The following CDYL2 variants were observed in gnomAD, a reference collection of about 807,000 sequenced individuals.
CDYL2 encodes chromodomain Y like 2.
CDYL2 carries 23 observed loss-of-function variants against 49.4 expected under a neutral mutation model. The ratio of observed to expected loss-of-function variants is 0.47; its 90% CI spans 0.34 to 0.66. CDYL2 has a LOEUF of 0.66. Ranked by LOEUF, CDYL2 falls within the 30% of genes least tolerant of loss-of-function variation. The probability of loss-of-function intolerance (pLI) is 0.01; values close to 1 mark genes in which losing one functional copy is unlikely to be tolerated. For missense variants in CDYL2, 678 were observed against 656.4 expected (o/e 1.03, Z -0.36); for synonymous variants, 360 against 268.8 (o/e 1.34, Z -3.32).
At chr16:80,762,436 C>A (rs2142384618) in intron 1 of CDYL2, among the ~76,000 whole-genome samples, 1 of 152,258 alleles carries the variant, frequency 6.6e-6, no homozygotes, top group East Asian at 1.9e-4. Context: ...CAGCACAGCT[C>A]CAAAAAGCCT....
At chr16:80,759,116 A>ATATATATATATATATATATGGTT (rs2142380641) in intron 1 of CDYL2, among the ~76,000 whole-genome samples, 1 of 119,942 alleles carries the variant, frequency 8.3e-6, no homozygotes, top group African/African-American at 3.6e-5. Flanking sequence ...ATATATATAT[A>ATATATATATATATATATATGGTT]TATATATATA....
At chr16:80,634,178 A>T (rs564777648) in intron 2 of CDYL2, among the ~76,000 whole-genome samples, 6 of 150,882 alleles carry the variant, frequency 4.0e-5, no homozygotes, top group African/African-American at 1.2e-4. Flanking sequence ...AAATCATGCT[A>T]CTATAAAGAC....
chr16:80,672,725 T>A (rs1355277930), intron 2 of CDYL2, among the ~76,000 whole-genome samples: 3 of 152,212 alleles, frequency 2.0e-5, no homozygotes, highest in African/African-American at 4.8e-5. Context: ...CATTTCTTTA[T>A]GTGCAAACCA....
chr16:80,788,939 A>G (rs1446581815), intron 1 of CDYL2, among the ~76,000 whole-genome samples: 1 of 152,178 alleles, frequency 6.6e-6, no homozygotes, highest in East Asian at 1.9e-4. Context: ...TTTGTTTTCA[A>G]CCATTAAAAA....
chr16:80,633,202 G>C lies in CDYL2; in HGVS notation c.651C>G (p.His217Gln). The C allele has an allele frequency of 6.2e-7, 1 of 1,614,196 alleles. No individual in the cohort carries two copies. Among genetic ancestry groups the C allele is most frequent in the Non-Finnish European group, 8.5e-7 (1 of 1,180,020 alleles). Reference protein sequence around the residue: ...SALTNGGLNLHSPVKRKLEAE... With the variant: ...SALTNGGLNLQSPVKRKLEAE... The stretch of plus-strand genomic sequence containing the variant: ...CTTCCAGCTTCCTCTTCACTGGACT[G>C]TGCAGGTTCAATCCCCCGTTGGTCA... Residue 217 changes from histidine (H) to glutamine (Q), a missense_variant, in exon 3 of 7, where the codon CAC (histidine) becomes CAG (glutamine). Coordinates refer to ENST00000570137, the MANE Select transcript of CDYL2 (RefSeq NM_152342.4).
chr16:80,800,949 G>A (rs1462293973), intron 1 of CDYL2, among the ~76,000 whole-genome samples: 1 of 152,180 alleles, frequency 6.6e-6, no homozygotes, highest in East Asian at 1.9e-4. Flanking sequence ...AGAAGAATGG[G>A]TGCCTGGTAA....
intron 4 of CDYL2, among the ~76,000 whole-genome samples, chr16:80,620,359 G>C (rs548888816): frequency 1.3e-5 from 2 of 152,268 alleles, no homozygotes; most frequent in South Asian, 4.1e-4. Flanking sequence ...GCAGTGCTGG[G>C]ACATACAAAC....
At chr16:80,641,753 G>C (rs1447520255) in intron 2 of CDYL2, among the ~76,000 whole-genome samples, 6 of 112,426 alleles carry the variant, frequency 5.3e-5, no homozygotes, top group Admixed American at 3.2e-4. Flanking sequence ...GTTGTGGGGT[G>C]GGGGGAGGGG....
At chr16:80,640,155 G>C (rs1052836504) in intron 2 of CDYL2, among the ~76,000 whole-genome samples, 4 of 152,138 alleles carry the variant, frequency 2.6e-5, no homozygotes, top group Non-Finnish European at 5.9e-5. Flanking sequence ...GGGAGTGCTG[G>C]TATCACCGCT....
chr16:80,767,646 A>G (rs746596286), intron 1 of CDYL2, among the ~76,000 whole-genome samples: 1 of 152,202 alleles, frequency 6.6e-6, no homozygotes, highest in Non-Finnish European at 1.5e-5. Flanking sequence ...TAGACAAGGC[A>G]TAGAAGGTGG....
intron 2 of CDYL2, among the ~76,000 whole-genome samples, chr16:80,661,017 G>A (rs1909021509): frequency 6.6e-6 from 1 of 152,158 alleles, no homozygotes; most frequent in Admixed American, 6.5e-5. Context: ...CACAGAGCCT[G>A]AGACAGACAA....
At chr16:80,646,443 T>C (rs1185775697) in intron 2 of CDYL2, among the ~76,000 whole-genome samples, 2 of 152,050 alleles carry the variant, frequency 1.3e-5, no homozygotes, top group African/African-American at 4.8e-5. Flanking sequence ...AATAATAACA[T>C]TGAATGTGAA....
At chr16:80,752,176 A>G (rs906938965) in intron 1 of CDYL2, among the ~76,000 whole-genome samples, 30 of 152,334 alleles carry the variant, frequency 2.0e-4, no homozygotes, top group African/African-American at 7.2e-4. Context: ...GTTTAACAGC[A>G]TATAAAACAC....
chr16:80,789,377 G>A lies in CDYL2; in HGVS notation c.24+14773C>T, dbSNP rs189110749. Among the ~76,000 whole-genome samples the A allele has an allele frequency of 9.9e-5, 15 of 152,254 alleles. No homozygotes were observed. In the East Asian group the frequency reaches 2.1e-3, roughly 22 times the overall value. ...CAGCACTTTGGAAGGCCGAGGGGGT[G>A]GATCACGAGGTCAGGAGTTCAAGAC... is the stretch of plus-strand genomic sequence containing the variant. On this transcript the variant is annotated intron_variant, in intron 1 of 6. Transcript: ENST00000570137.
At chr16:80,672,009 G>C (rs1909530929) in intron 2 of CDYL2, among the ~76,000 whole-genome samples, 1 of 152,138 alleles carries the variant, frequency 6.6e-6, no homozygotes, top group Non-Finnish European at 1.5e-5. Flanking sequence ...AAGTGTTTTG[G>C]ATTTCTGATT....
At chr16:80,737,501 A>C (rs1004858069) in intron 1 of CDYL2, among the ~76,000 whole-genome samples, 3 of 152,098 alleles carry the variant, frequency 2.0e-5, no homozygotes, top group Admixed American at 2.0e-4. Flanking sequence ...ACTGTATTAA[A>C]CTGTACCTTG....
intron 3 of CDYL2, 119 bp downstream of exon 3, chr16:80,632,900 A>G: frequency 1.1e-6 from 1 of 946,484 alleles, no homozygotes; most frequent in South Asian, 1.6e-5. Flanking sequence ...TCAAGTTTTT[A>G]TGCACGCTAG....
chr16:80,665,631 G>A (rs750395862), intron 2 of CDYL2, among the ~76,000 whole-genome samples: 5 of 152,106 alleles, frequency 3.3e-5, no homozygotes, highest in African/African-American at 1.2e-4. Context: ...CAGGAACTCA[G>A]GACAGACCCT....
At chr16:80,644,094 T>C (rs1243747452) in intron 2 of CDYL2, among the ~76,000 whole-genome samples, 1 of 152,222 alleles carries the variant, frequency 6.6e-6, no homozygotes. Flanking sequence ...TCTTGAATGC[T>C]TTGCTGCTTA....
Sources: gnomAD v4.1 joint callset for allele counts (sites outside exome capture counted in the v4.1 genomes callset) on GRCh38, gnomAD v4.1.1 for gene constraint, MANE v1.5 for transcripts, NCBI Gene and HGNC (gene_info 2026-07-23, HGNC 2026-07-21) for gene names.